Variants in RAD21L1 observed in about 807,000 individuals in gnomAD.
RAD21L1 encodes the protein double-strand-break repair protein rad21-like protein 1.
RAD21L1 carries 47 observed loss-of-function variants against 69.0 expected under a neutral mutation model. That is an observed-to-expected ratio of 0.68 (90% CI 0.54 to 0.87). RAD21L1 has a LOEUF of 0.87. Ranked by LOEUF, RAD21L1 falls within the 40% of genes least tolerant of loss-of-function variation. RAD21L1 has a pLI of 0.00. For synonymous variants in RAD21L1, 177 were observed against 205.8 expected (o/e 0.86, Z 1.20); for missense variants, 583 against 647.6 (o/e 0.90, Z 1.08).
rs999166465 is a variant in RAD21L1, at chr20:1,254,677, T to G, written c.*220T>G. 1.3e-5 allele frequency among the ~76,000 whole-genome samples: 2 copies of G among 152,182 alleles called. No individual in the cohort carries two copies. The highest frequency in any genetic ancestry group is 2.4e-5 in the African/African-American group (1 of 41,442). On this transcript the variant is annotated 3_prime_UTR_variant, in exon 14 of 14. Transcript: ENST00000683101. ...TTCTGTTTTGTTTTTTTTTGTTGTT[T>G]TTTTAAGGACAAAGGTCTCACTATA...
Position 1,228,485 on chromosome 20 carries a change from G to C in RAD21L1, c.32G>C (p.Arg11Pro). Residue 11 changes from arginine (R) to proline (P), a missense_variant, in exon 2 of 14, where the codon CGA (arginine) becomes CCA (proline). By Grantham distance (103) the Arg-to-Pro change is moderately radical (BLOSUM62 -2). Coordinates refer to ENST00000683101, the MANE Select transcript of RAD21L1 (RefSeq NM_001384355.1). ...TACACACATGTGCTTATGAGTAAAC[G>C]AGGGCCATTGGCCAAAATATGGCTT... MFYTHVLMSKRGPLAKIWLAA... is the reference protein window; with the variant it reads MFYTHVLMSKPGPLAKIWLAA... The C allele has an allele frequency of 1.3e-6, 2 of 1,549,888 alleles. No individual in the cohort carries two copies. The highest frequency in any genetic ancestry group is 1.7e-6 in the Non-Finnish European group (2 of 1,146,292).
At chr20:1,233,870 T>A (rs1176556949) in intron 4 of RAD21L1, among the ~76,000 whole-genome samples, 3 of 152,146 alleles carry the variant, frequency 2.0e-5, no homozygotes, top group Non-Finnish European at 4.4e-5. Context: ...AAGTGCTGTT[T>A]GTTTGTGCAA....
intron 7 of RAD21L1, 113 bp from the exon 8 acceptor site, chr20:1,240,208 T>C: frequency 7.2e-7 from 1 of 1,395,486 alleles, no homozygotes; most frequent in Non-Finnish European, 9.3e-7. Flanking sequence ...GATGTTCCAG[T>C]TAGTAATATA....
intron 13 of RAD21L1, among the ~76,000 whole-genome samples, chr20:1,250,004 C>A (rs545180298): frequency 2.3e-5 from 3 of 131,622 alleles, no homozygotes; most frequent in Non-Finnish European, 4.9e-5. Context: ...ATCCCTCCCC[C>A]CTCCCCCGAC....
At chr20:1,249,747 A>G (rs1322354726) in intron 13 of RAD21L1, among the ~76,000 whole-genome samples, 1 of 152,246 alleles carries the variant, frequency 6.6e-6, no homozygotes, top group Non-Finnish European at 1.5e-5. Flanking sequence ...AAGGACAACT[A>G]GCAGCTGCTG....
intron 5 of RAD21L1, among the ~76,000 whole-genome samples, chr20:1,237,129 G>A (rs975794219): frequency 6.6e-6 from 1 of 152,170 alleles, no homozygotes; most frequent in Admixed American, 6.5e-5. Flanking sequence ...AATACTTCAT[G>A]ATTTTCTTTA....
chr20:1,249,071 A>G (rs951178916), intron 13 of RAD21L1, among the ~76,000 whole-genome samples: 1 of 152,182 alleles, frequency 6.6e-6, no homozygotes, highest in Admixed American at 6.5e-5. Context: ...TAATACATGT[A>G]TATTATTTTA....
At chr20:1,253,263 T>C (rs755228591) in intron 13 of RAD21L1, among the ~76,000 whole-genome samples, 1 of 152,210 alleles carries the variant, frequency 6.6e-6, no homozygotes, top group Non-Finnish European at 1.5e-5. Flanking sequence ...ATGATTCTCA[T>C]AGGGACATTG....
intron 11 of RAD21L1, among the ~76,000 whole-genome samples, chr20:1,245,732 G>A (rs1399020506): frequency 6.6e-6 from 1 of 152,020 alleles, no homozygotes; most frequent in Admixed American, 6.6e-5. Flanking sequence ...CTCCAGCAGT[G>A]GTGGCAGGAA....
intron 10 of RAD21L1, 100 bp from the exon 11 acceptor site, chr20:1,243,946 C>A: frequency 9.7e-7 from 1 of 1,033,246 alleles, no homozygotes; most frequent in Non-Finnish European, 1.4e-6. Flanking sequence ...TTCTTGGATC[C>A]CAACATGTCT....
Position 1,242,782 on chromosome 20 carries a change from G to A in RAD21L1, c.1020G>A (p.Arg340=). The change falls in exon 9 of 14, where the codon AGG becomes AGA. Residue 340 remains arginine (R), a synonymous_variant. Transcript: ENST00000683101. ...AAAGATTGATGATGTGGAAGAAGAG[G>A]GGAGGAGTGCATACACTTCTGTCAA... is the stretch of plus-strand genomic sequence containing the variant. The part of the protein sequence containing the change: ...PTQRLMMWKK[R]GGVHTLLSTA... The A allele has an allele frequency of 6.4e-7, 1 of 1,551,580 alleles. No homozygotes were observed. The highest frequency in any genetic ancestry group is 1.2e-5 in the South Asian group (1 of 84,054).
At chr20:1,236,328 T>G (rs143046137) in intron 5 of RAD21L1, among the ~76,000 whole-genome samples, 2,126 of 152,326 alleles carry the variant, frequency 0.014, 12 homozygotes, top group Middle Eastern at 0.027. Flanking sequence ...ATTCCTCTGC[T>G]TAAGTGCCTT....
In RAD21L1 at chr20:1,231,609, CA is replaced by C; in HGVS notation, c.362del (p.Asn121IlefsTer2). The C allele has an allele frequency of 7.1e-7, 1 of 1,412,682 alleles. No individual in the cohort carries two copies. Among genetic ancestry groups the C allele is most frequent in the Non-Finnish European group, 9.7e-7 (1 of 1,027,484 alleles). 87.5% of individuals were successfully genotyped at this position (1,412,682 alleles called of 1,614,324 possible). A position where few individuals can be genotyped will look rare whatever the true frequency, so the allele number is the denominator to read the frequency against. ...LPEEFHDFDT[Q>X]NMNAIDVSEH... Reference sequence around the variant, plus strand: ...AGAAGAATTTCATGATTTTGACACCCAAAATATGAAGTAAAATATTTTATTT... The same window carrying C: ...AGAAGAATTTCATGATTTTGACACCCAAATATGAAGTAAAATATTTTATTT... On this transcript the variant is annotated frameshift_variant, in exon 4 of 14. Transcript: ENST00000683101. LOFTEE classifies it high-confidence loss of function.
intron 1 of RAD21L1, 149 bp from the exon 2 acceptor site, chr20:1,228,273 T>C (rs2087305472): frequency 2.3e-6 from 1 of 433,302 alleles, no homozygotes; most frequent in African/African-American, 2.1e-5. Context: ...CTAAATAAGT[T>C]TCTCTTATTT....
chr20:1,232,441 A>G (rs2087410761), intron 4 of RAD21L1, among the ~76,000 whole-genome samples: 1 of 152,232 alleles, frequency 6.6e-6, no homozygotes, highest in African/African-American at 2.4e-5. Flanking sequence ...TATTGTAGTA[A>G]GAAGTCCAGA....
chr20:1,238,235 G>A, intron 6 of RAD21L1, 21 bp downstream of exon 6: 1 of 1,390,794 alleles, frequency 7.2e-7, no homozygotes, highest in Non-Finnish European at 9.6e-7. Flanking sequence ...TGGTCATGTG[G>A]AAATAAAATA....
At chr20:1,245,498 A>G (rs1025245526) in intron 11 of RAD21L1, among the ~76,000 whole-genome samples, 1 of 152,216 alleles carries the variant, frequency 6.6e-6, no homozygotes, top group Non-Finnish European at 1.5e-5. Context: ...GTGAAAAAGC[A>G]AGTAAACTAT....
intron 13 of RAD21L1, among the ~76,000 whole-genome samples, chr20:1,249,632 G>A (rs753674595): frequency 7.2e-5 from 11 of 152,244 alleles, no homozygotes; most frequent in Admixed American, 1.3e-4. Context: ...TCATTGACCA[G>A]TACTTAGTCA....
chr20:1,235,925 A>G lies in RAD21L1; in HGVS notation c.475+1734A>G, dbSNP rs1394345056. Among the ~76,000 whole-genome samples, 4 of 151,968 alleles carry G rather than the reference A, an allele frequency of 2.6e-5. No homozygotes were observed. In the East Asian group the frequency reaches 5.8e-4, roughly 22 times the overall value. On this transcript the variant is annotated intron_variant, in intron 5 of 13. Transcript: ENST00000683101. ...TGGGACTACAGGCATGCACCTCCGC[A>G]CTCGGCTAATTTTTGTATTTTTAGT...
Sources: gnomAD v4.1 joint callset for allele counts (sites outside exome capture counted in the v4.1 genomes callset) on GRCh38, gnomAD v4.1.1 for gene constraint, MANE v1.5 for transcripts, NCBI Gene and HGNC (gene_info 2026-07-23, HGNC 2026-07-21) for gene names.